Variants in ATRX observed in about 807,000 individuals in gnomAD.
ATRX encodes ATRX chromatin remodeler.
ATRX carries 12 observed loss-of-function variants against 172.6 expected under a neutral mutation model. That is an observed-to-expected ratio of 0.07 (90% CI 0.04 to 0.11). The LOEUF (loss-of-function observed/expected upper bound fraction) is 0.11, where lower values mean the gene tolerates loss of function less well. Ranked by LOEUF, ATRX falls within the 10% of genes least tolerant of loss-of-function variation. The probability of loss-of-function intolerance (pLI) is 1.00; values close to 1 mark genes in which losing one functional copy is unlikely to be tolerated. For missense variants in ATRX, 1,368 were observed against 1,767.4 expected (o/e 0.77, Z 4.05); for synonymous variants, 674 against 594.7 (o/e 1.13, Z -1.94).
intron 22 of ATRX, among the ~76,000 whole-genome samples, chrX:77,609,132 T>C (rs1410787415): frequency 8.9e-6 from 1 of 111,754 alleles, no homozygotes; most frequent in Non-Finnish European, 1.9e-5. Flanking sequence ...TACACTGCTG[T>C]TGGGAATGTA....
At chrX:77,681,372 CT>C in intron 9 of ATRX, 147 bp downstream of exon 9, 1 of 552,557 alleles carries the variant, frequency 1.8e-6, no homozygotes, top group Non-Finnish European at 2.8e-6. Flanking sequence ...AATAGGGAAA[CT>C]TTTTTTAATA....
chrX:77,562,577 C>T (rs184619342), intron 28 of ATRX, among the ~76,000 whole-genome samples: 123 of 111,998 alleles, frequency 1.1e-3, no homozygotes, highest in African/African-American at 4.0e-3. Flanking sequence ...CAAGATCTCA[C>T]TCTGTCTCCC....
rs181981312 is a variant in ATRX at position 77,558,971 on chromosome X, A to T, written c.6327-125T>A. ...CAAGAGTTCAGAGAATTCATTTCTT[A>T]CTTACTGAAGAAAATAATATATTAT... On this transcript the variant is annotated intron_variant, in intron 28 of 34. Transcript: ENST00000373344. 15 of 531,277 alleles carry T rather than the reference A, an allele frequency of 2.8e-5. No homozygotes were observed. In the East Asian group the frequency reaches 4.4e-4, roughly 16 times the overall value. 43.8% of individuals were successfully genotyped at this position (531,277 alleles called of 1,213,427 possible). A position where few individuals can be genotyped will look rare whatever the true frequency, so the allele number is the denominator to read the frequency against.
chrX:77,560,068 G>A (rs1167963358), intron 28 of ATRX, among the ~76,000 whole-genome samples: 2 of 111,593 alleles, frequency 1.8e-5, no homozygotes, highest in African/African-American at 6.5e-5. Flanking sequence ...AAGTAAGTAA[G>A]AATTGCCAAG....
At chrX:77,772,398 G>A (rs1452762532) in intron 1 of ATRX, among the ~76,000 whole-genome samples, 1 of 104,571 alleles carries the variant, frequency 9.6e-6, no homozygotes, top group Non-Finnish European at 1.9e-5. Flanking sequence ...TTGGGAGGCC[G>A]AAGCAGAAGG....
chrX:77,636,196 T>C, intron 15 of ATRX, 140 bp from the exon 16 acceptor site: 1 of 607,392 alleles, frequency 1.6e-6, no homozygotes, highest in Non-Finnish European at 2.7e-6. Flanking sequence ...TGGATCTGTG[T>C]CCCCACCAAA....
At chrX:77,646,540 G>T (rs190477517) in intron 15 of ATRX, among the ~76,000 whole-genome samples, 77 of 111,966 alleles carry the variant, frequency 6.9e-4, no homozygotes, top group African/African-American at 2.4e-3. Flanking sequence ...GAGAGAAACA[G>T]TTGGAGACAT....
At chrX:77,756,569 G>A (rs1217827672) in intron 1 of ATRX, among the ~76,000 whole-genome samples, 2 of 110,143 alleles carry the variant, frequency 1.8e-5, no homozygotes, top group East Asian at 2.9e-4. Context: ...ATAGACTCAC[G>A]GGTTCCTTTG....
chrX:77,567,106 A>G (rs2065226695), intron 28 of ATRX, among the ~76,000 whole-genome samples: 1 of 111,536 alleles, frequency 9.0e-6, no homozygotes, highest in South Asian at 3.7e-4. Context: ...CTATACAAAG[A>G]GAAACACTAA....
intron 30 of ATRX, among the ~76,000 whole-genome samples, chrX:77,525,344 T>C (rs186139357): frequency 5.0e-4 from 56 of 111,861 alleles, no homozygotes; most frequent in South Asian, 3.8e-4. Flanking sequence ...TACTAAAAGA[T>C]AGGGCTTTCT....
intron 30 of ATRX, among the ~76,000 whole-genome samples, chrX:77,528,415 T>C (rs782622176): frequency 9.0e-5 from 10 of 111,328 alleles, no homozygotes; most frequent in African/African-American, 2.9e-4. Flanking sequence ...GACTGCTTCA[T>C]TGGGTGGGTC....
At chrX:77,709,644 TAAA>T (rs138104364) in intron 2 of ATRX, among the ~76,000 whole-genome samples, 8 of 90,744 alleles carry the variant, frequency 8.8e-5, no homozygotes, top group Admixed American at 1.2e-4. Flanking sequence ...TCCAATGGAG[TAAA>T]AAAAAAAAAA....
At chrX:77,528,870 T>TA (rs782224374) in intron 30 of ATRX, among the ~76,000 whole-genome samples, 27 of 111,018 alleles carry the variant, frequency 2.4e-4, no homozygotes, top group South Asian at 2.3e-3. Context: ...ATCGCTGGGC[T>TA]AAAAAAAAGC....
At chrX:77,769,051 G>C (rs2076068215) in intron 1 of ATRX, among the ~76,000 whole-genome samples, 1 of 111,130 alleles carries the variant, frequency 9.0e-6, no homozygotes, top group Admixed American at 9.7e-5. Flanking sequence ...GAAAAAGTAA[G>C]CGAGGCACTG....
chrX:77,715,890 A>C (rs1025172614), intron 2 of ATRX, among the ~76,000 whole-genome samples: 1 of 110,577 alleles, frequency 9.0e-6, no homozygotes, highest in Non-Finnish European at 1.9e-5. Flanking sequence ...CTTTTTTTGT[A>C]CATATTGTGT....
intron 19 of ATRX, among the ~76,000 whole-genome samples, chrX:77,632,936 C>T (rs1342085536): frequency 8.9e-6 from 1 of 111,951 alleles, no homozygotes; most frequent in African/African-American, 3.2e-5. Context: ...TTGATTGCAA[C>T]ACAGGCATTT....
At chrX:77,652,426 AAC>A in intron 14 of ATRX, 73 bp from the exon 15 acceptor site, 7 of 1,083,361 alleles carry the variant, frequency 6.5e-6, no homozygotes, top group Non-Finnish European at 8.7e-6. Flanking sequence ...TCCATTAATT[AAC>A]ACAGCAGGAA....
intron 30 of ATRX, among the ~76,000 whole-genome samples, chrX:77,547,299 C>T (rs743074): frequency 0.037 from 4,087 of 111,184 alleles, 114 homozygotes; most frequent in African/African-American, 0.1. Flanking sequence ...ACACTGCCAG[C>T]AAGGCTGCCT....
chrX:77,716,251 A>C (rs1223091553), intron 2 of ATRX, among the ~76,000 whole-genome samples: 1 of 82,887 alleles, frequency 1.2e-5, no homozygotes, highest in African/African-American at 5.0e-5. Flanking sequence ...GTGAGCTATG[A>C]TTACACCACT....
Sources: allele counts gnomAD v4.1 joint callset (sites outside exome capture counted in the v4.1 genomes callset), GRCh38; gene constraint gnomAD v4.1.1; transcripts MANE v1.5; gene names NCBI Gene and HGNC (gene_info 2026-07-23, HGNC 2026-07-21).